The following GPRC5C variants were observed in gnomAD, a reference collection of about 807,000 sequenced individuals.
GPRC5C encodes G protein-coupled receptor family C group 5 member C.
GPRC5C carries 22 observed loss-of-function variants against 31.4 expected under a neutral mutation model. That is an observed-to-expected ratio of 0.70 (90% CI 0.50 to 1.00). The LOEUF (loss-of-function observed/expected upper bound fraction) is 1.00. Among genes scored for constraint, GPRC5C ranks in the 50% least tolerant of loss-of-function variants. The pLI is 0.00. For synonymous variants in GPRC5C, 249 were observed against 257.5 expected (o/e 0.97, Z 0.32); for missense variants, 557 against 597.2 (o/e 0.93, Z 0.70).
intron 1 of GPRC5C, chr17:74,432,581 G>C: frequency 1.1e-6 from 1 of 921,326 alleles, no homozygotes; most frequent in Non-Finnish European, 1.3e-6. Flanking sequence ...GGACGGCGGG[G>C]AGTGGGCGAG....
At chr17:74,442,175 G>A (rs2055552185) in intron 2 of GPRC5C, among the ~76,000 whole-genome samples, 1 of 151,994 alleles carries the variant, frequency 6.6e-6, no homozygotes, top group Admixed American at 6.6e-5. Flanking sequence ...GCTAATTTTT[G>A]TATTTTTAAT....
chr17:74,446,820 A>G, intron 3 of GPRC5C, 29 bp from the exon 4 acceptor site: 3 of 1,568,400 alleles, frequency 1.9e-6, no homozygotes, highest in Non-Finnish European at 1.8e-6. Context: ...CCAATCCCCG[A>G]CTGTGAGACC....
chr17:74,438,776 C>T lies in GPRC5C; in HGVS notation c.-32-969C>T, dbSNP rs142887137. ...TTGGAAAAAAACTCATTGATTTGGT[C>T]TTTAATATTTCTTAACCTGTTAAAT... is the stretch of plus-strand genomic sequence containing the variant. On this transcript the variant is annotated intron_variant, in intron 1 of 3. Coordinates refer to ENST00000392627, the MANE Select transcript of GPRC5C (RefSeq NM_022036.4). 6.0e-3 allele frequency among the ~76,000 whole-genome samples: 918 copies of T among 152,282 alleles called. 6 individuals carry two copies. Among genetic ancestry groups the T allele is most frequent in the Non-Finnish European group, 8.7e-3 (592 of 67,998 alleles).
chr17:74,432,123 G>C lies in GPRC5C; in HGVS notation c.-51G>C, dbSNP rs1027760813. 17 of 1,613,160 alleles carry C rather than the reference G, an allele frequency of 1.1e-5. No homozygotes were observed. In the African/African-American group the frequency reaches 1.3e-4, roughly 13 times the overall value. On this transcript the variant is annotated 5_prime_UTR_variant, in exon 1 of 4. Transcript: ENST00000392627. ...ATCTCCCTCACCAGCCGGAAAGTAC[G>C]AGTCGGCTCAGCCTGGAGGTGAGTC...
chr17:74,439,940 C>T lies in GPRC5C; in HGVS notation c.164C>T (p.Ala55Val), dbSNP rs780528619. ...RSGAWGIVLEAVAGAGIVTTF... is the reference protein window; with the variant it reads ...RSGAWGIVLEVVAGAGIVTTF... ...GGGGCGTGGGGCATCGTCCTGGAGG[C>T]CGTGGCTGGGGCGGGCATTGTCACC... The change falls in exon 2 of 4, where the codon GCC (alanine) becomes GTC (valine). Residue 55 changes from alanine to valine, a missense_variant. Ala to Val is a moderately conservative substitution (Grantham distance 64, BLOSUM62 0). Coordinates refer to ENST00000392627, the MANE Select transcript of GPRC5C (RefSeq NM_022036.4). The T allele has an allele frequency of 5.6e-6, 9 of 1,611,496 alleles. No homozygotes were observed. Among genetic ancestry groups the T allele is most frequent in the South Asian group, 1.1e-5 (1 of 91,070 alleles).
intron 1 of GPRC5C, chr17:74,432,512 G>A: frequency 2.0e-6 from 2 of 1,013,126 alleles, no homozygotes; most frequent in Non-Finnish European, 2.4e-6. Flanking sequence ...CGGGGCCGGC[G>A]GCGAGTCCCA....
rs759173422 is a variant in GPRC5C, at chr17:74,440,476, C to T, written c.700C>T (p.Arg234Cys). The T allele has an allele frequency of 2.4e-5, 39 of 1,614,030 alleles. No homozygotes were observed. Among genetic ancestry groups the T allele is most frequent in the South Asian group, 5.5e-5 (5 of 91,088 alleles). Residue 234 changes from arginine to cysteine, a missense_variant, in exon 2 of 4, where the codon CGC (arginine) becomes TGC (cysteine). Transcript: ENST00000392627. The surrounding 1 kb of genome is among the most constrained non-coding windows in gnomAD (Gnocchi z 4.4). ...FLGAWPALCG[R>C]YKRWRKHGVF... ...GGGGGCCTGGCCCGCCCTGTGTGGC[C>T]GCTACAAGCGCTGGCGTAAGCATGG...
At position 74,439,889 on chromosome 17, in the gene GPRC5C, T is replaced by C; in HGVS notation, c.113T>C (p.Leu38Pro). The C allele has an allele frequency of 6.2e-7, 1 of 1,613,152 alleles. No individual in the cohort carries two copies. The highest frequency in any genetic ancestry group is 8.5e-7 in the Non-Finnish European group (1 of 1,180,010). ...GGCTGCAGCCAAGGCCTCAACCCCC[T>C]GTACTACAACCTGTGTGACCGCTCT... ...PPGCSQGLNPLYYNLCDRSGA... is the reference protein window; with the variant it reads ...PPGCSQGLNPPYYNLCDRSGA... Residue 38 changes from leucine to proline, a missense_variant, in exon 2 of 4, where the codon CTG (leucine) becomes CCG (proline). Physicochemically the swap from Leu to Pro is moderately conservative, Grantham distance 98 (BLOSUM62 -3). Coordinates refer to ENST00000392627, the MANE Select transcript of GPRC5C (RefSeq NM_022036.4).
rs572667099 is a variant in GPRC5C, at chr17:74,446,367, G to A, written c.1147-482G>A. On this transcript the variant is annotated intron_variant, in intron 3 of 3. Transcript: ENST00000392627. ...CTCGGGAGGCTGAGGCAGGAGAATG[G>A]CGTGAACCCGGGAGGCAGAGTTTGC... The A allele has an allele frequency of 4.4e-3, 677 of 152,482 alleles. 5 individuals carry two copies. Among genetic ancestry groups the A allele is most frequent in the Non-Finnish European group, 7.3e-3 (499 of 68,290 alleles). The allele number at this position is 152,482 out of a possible 1,614,324, so 9.4% of individuals were successfully genotyped here. A position where few individuals can be genotyped will look rare whatever the true frequency, so the allele number is the denominator to read the frequency against.
chr17:74,449,213 CCTT>C (rs1276645086), downstream of GPRC5C: 4 of 428,726 alleles, frequency 9.3e-6, no homozygotes, highest in East Asian at 1.5e-4. Context: ...CCAAAATTCT[CCTT>C]CTATGCTCAG....
chr17:74,442,419 C>G (rs2144431327), intron 2 of GPRC5C, among the ~76,000 whole-genome samples: 1 of 152,334 alleles, frequency 6.6e-6, no homozygotes, highest in East Asian at 1.9e-4. Flanking sequence ...AGCCCCTGTG[C>G]TAATCCCCTT....
chr17:74,448,473 G>A (rs1236359806), downstream of GPRC5C, among the ~76,000 whole-genome samples: 1 of 152,150 alleles, frequency 6.6e-6, no homozygotes, highest in East Asian at 1.9e-4. Flanking sequence ...CGCCTCCCAG[G>A]TTCAAGCAAT....
intron 1 of GPRC5C, among the ~76,000 whole-genome samples, chr17:74,436,064 T>C (rs1472713393): frequency 6.6e-6 from 1 of 152,244 alleles, no homozygotes; most frequent in Non-Finnish European, 1.5e-5. Flanking sequence ...CAACCCTGGC[T>C]ATGCCCCCAT....
At chr17:74,447,781 G>T (rs567093149), downstream of GPRC5C, among the ~76,000 whole-genome samples, 1 of 152,142 alleles carries the variant, frequency 6.6e-6, no homozygotes, top group East Asian at 1.9e-4. Context: ...GAGCCAGGTG[G>T]CTCTGTGTGT....
rs201915748 is a variant in GPRC5C at position 74,440,622 on chromosome 17, C to T, written c.846C>T (p.Ile282=). ...CCTGGGATGACCCCACGCTGGCCAT[C>T]GCCCTCGCCGCCAATGCCTGGGCCT... ...SPTWDDPTLA[I]ALAANAWAFV... is the part of the protein sequence containing the mutation. The change falls in exon 2 of 4, where the codon ATC becomes ATT. Residue 282 remains isoleucine (I), a synonymous_variant. Transcript: ENST00000392627. This position sits in a 1 kb window ranked among gnomAD's most constrained non-coding sequence, Gnocchi z 4.4. 304 of 1,608,302 alleles carry T rather than the reference C, an allele frequency of 1.9e-4. 2 individuals carry two copies. The Middle Eastern group carries it at 3.5e-3, about 18-fold the overall frequency.
chr17:74,433,574 C>G, intron 1 of GPRC5C: 1 of 767,528 alleles, frequency 1.3e-6, no homozygotes, highest in Non-Finnish European at 2.3e-6. Flanking sequence ...TGGGACCTAA[C>G]CAGGGACTGG....
At chr17:74,439,610 GATTCTGA>G in intron 1 of GPRC5C, 128 bp from the exon 2 acceptor site, 1 of 786,334 alleles carries the variant, frequency 1.3e-6, no homozygotes, top group Non-Finnish European at 2.1e-6. Context: ...TGTTAAGAAG[GATTCTGA>G]GGTCCAGAGA....
Position 74,432,211 on chromosome 17 carries a change from G to C in GPRC5C, c.-33+70G>C, listed in dbSNP as rs1032003096. ...AACGGAGCGCACGTACCTGGAGCGC[G>C]GCGGGCGCCCGATTAGCGCCCTGAA... On this transcript the variant is annotated intron_variant, in intron 1 of 3. Transcript: ENST00000392627. 8 of 1,559,726 alleles carry C rather than the reference G, an allele frequency of 5.1e-6. No individual in the cohort carries two copies. In the African/African-American group the frequency reaches 5.5e-5, roughly 11 times the overall value.
At chr17:74,437,932 T>C (rs547090888) in intron 1 of GPRC5C, among the ~76,000 whole-genome samples, 2 of 152,304 alleles carry the variant, frequency 1.3e-5, no homozygotes, top group African/African-American at 4.8e-5. Flanking sequence ...AACTAGTTAT[T>C]TGAACACGTG....
Sources: allele counts gnomAD v4.1 joint callset (sites outside exome capture counted in the v4.1 genomes callset), GRCh38; gene constraint gnomAD v4.1.1; non-coding constraint Gnocchi (gnomAD v3.1); transcripts MANE v1.5; gene names NCBI Gene and HGNC (gene_info 2026-07-23, HGNC 2026-07-21).